The following PHACTR3 variants were observed in gnomAD, a reference collection of about 807,000 sequenced individuals.
PHACTR3 encodes protein phosphatase 1, regulatory subunit 123.
PHACTR3 carries 16 observed loss-of-function variants against 66.8 expected under a neutral mutation model. The ratio of observed to expected loss-of-function variants is 0.24; its 90% confidence interval spans 0.16 to 0.36. The LOEUF (loss-of-function observed/expected upper bound fraction) is 0.36. Ranked by LOEUF, PHACTR3 falls within the 10% of genes least tolerant of loss-of-function variation. The probability of loss-of-function intolerance (pLI) is 1.00; values close to 1 mark genes in which losing one functional copy is unlikely to be tolerated. For synonymous variants in PHACTR3, 323 were observed against 292.1 expected (o/e 1.11, Z -1.08); for missense variants, 647 against 719.9 (o/e 0.90, Z 1.16).
intron 4 of PHACTR3, among the ~76,000 whole-genome samples, chr20:59,762,476 G>A (rs534629241): frequency 6.6e-6 from 1 of 152,344 alleles, no homozygotes; most frequent in South Asian, 2.1e-4. Flanking sequence ...AGTGTTCAGT[G>A]GTCATGAGGG....
intron 1 of PHACTR3, among the ~76,000 whole-genome samples, chr20:59,706,865 A>C (rs941884757): frequency 6.6e-6 from 1 of 152,072 alleles, no homozygotes; most frequent in Non-Finnish European, 1.5e-5. Context: ...ATTGAGGAGG[A>C]GGCAACCTGC....
At chr20:59,751,198 C>G (rs576816727) in intron 3 of PHACTR3, among the ~76,000 whole-genome samples, 2 of 141,662 alleles carry the variant, frequency 1.4e-5, no homozygotes, top group Non-Finnish European at 2.9e-5. Context: ...GGTTAAGGAA[C>G]CGGCTTCAGG....
At chr20:59,754,347 G>C (rs573708902) in intron 3 of PHACTR3, among the ~76,000 whole-genome samples, 1 of 152,306 alleles carries the variant, frequency 6.6e-6, no homozygotes, top group African/African-American at 2.4e-5. Flanking sequence ...TTCTGGGAAG[G>C]CTGCCTGTCA....
rs1486942573 is a variant in PHACTR3 at position 59,845,199 on chromosome 20, G to A, written c.1598G>A (p.Arg533His). 1.3e-6 allele frequency: 2 copies of A among 1,597,734 alleles called. No individual in the cohort carries two copies. Among genetic ancestry groups the A allele is most frequent in the African/African-American group, 1.3e-5 (1 of 74,448 alleles). Residue 533 changes from arginine to histidine, a missense_variant, in exon 12 of 13, where the codon CGT (arginine) becomes CAT (histidine). This residue lies in a region of PHACTR3 where 70 missense variants were observed against 148.8 expected (regional missense o/e 0.47). Coordinates refer to ENST00000371015, the MANE Select transcript of PHACTR3 (RefSeq NM_080672.5). ...GTTTTTAAATTTCAGGCAGCAATTC[G>A]TAAAGAATTAAATGAGTACAAAAGT... ...RLSAADKAAI[R>H]KELNEYKSNE...
intron 8 of PHACTR3, among the ~76,000 whole-genome samples, chr20:59,806,801 C>T (rs530722397): frequency 5.9e-5 from 9 of 152,350 alleles, no homozygotes; most frequent in South Asian, 2.1e-4. Context: ...GTCTGCAGCA[C>T]GCCTGGCTCC....
At chr20:59,813,131 G>C (rs942737927) in intron 8 of PHACTR3, among the ~76,000 whole-genome samples, 2 of 152,208 alleles carry the variant, frequency 1.3e-5, no homozygotes, top group African/African-American at 4.8e-5. Context: ...TTTGCCCGCT[G>C]ATGTCTGCAA....
intron 1 of PHACTR3, among the ~76,000 whole-genome samples, chr20:59,638,890 T>G (rs2146417056): frequency 7.0e-6 from 1 of 143,432 alleles, no homozygotes. Flanking sequence ...GGTGGGTGAG[T>G]GGATGGGTGG....
intron 7 of PHACTR3, among the ~76,000 whole-genome samples, chr20:59,775,189 A>T (rs1439851312): frequency 1.3e-5 from 2 of 152,110 alleles, no homozygotes; most frequent in Admixed American, 1.3e-4. Flanking sequence ...TCAGGCCAGG[A>T]GGAGGAAGTG....
chr20:59,840,209 C>T (rs1477511044), intron 9 of PHACTR3, among the ~76,000 whole-genome samples, 160 bp from the exon 10 acceptor site: 4 of 152,150 alleles, frequency 2.6e-5, no homozygotes, highest in African/African-American at 4.8e-5. Flanking sequence ...ATCTCCTGAG[C>T]AGTGACTGAC....
intron 8 of PHACTR3, among the ~76,000 whole-genome samples, chr20:59,827,489 T>TG: frequency 6.6e-6 from 1 of 152,284 alleles, no homozygotes; most frequent in South Asian, 2.1e-4. Context: ...GACAGTGCGG[T>TG]GTGCAGCTTG....
At chr20:59,674,401 TCTC>T (rs2036311196) in intron 1 of PHACTR3, among the ~76,000 whole-genome samples, 1 of 147,814 alleles carries the variant, frequency 6.8e-6, no homozygotes. Flanking sequence ...TGTTCCTCCT[TCTC>T]CTGTTCCTTC....
At position 59,635,194 on chromosome 20, in the gene PHACTR3, C is replaced by CTTTCTT. The variant is rs33980731; in HGVS notation, c.118+30063_118+30064insTTCTTT. ...CCTTTCTTTCTTTCTTTCTTTCTTT[C>CTTTCTT]TCTTTCTTTCTTTCCTTCCTTCCTT... On this transcript the variant is annotated intron_variant, in intron 1 of 12. Transcript: ENST00000371015. Among the ~76,000 whole-genome samples the CTTTCTT allele has an allele frequency of 3.9e-3, 212 of 54,686 alleles. 3 individuals are homozygous for CTTTCTT. The highest frequency in any genetic ancestry group is 4.2e-3 in the African/African-American group (59 of 13,940). 35.9% of individuals were successfully genotyped at this position (54,686 alleles called of 152,430 possible). A position where few individuals can be genotyped will look rare whatever the true frequency, so the allele number is the denominator to read the frequency against.
At chr20:59,806,264 C>T in intron 8 of PHACTR3, 70 bp downstream of exon 8, 1 of 1,561,558 alleles carries the variant, frequency 6.4e-7, no homozygotes. Context: ...TCTGAGATCC[C>T]ACATCCTGGG....
At chr20:59,844,187 A>G (rs541989813) in intron 11 of PHACTR3, 2 of 152,226 alleles carry the variant, frequency 1.3e-5, no homozygotes, top group African/African-American at 4.8e-5. Flanking sequence ...GGATTAGGAG[A>G]AAAGTGAACT....
Position 59,697,857 on chromosome 20 carries a change from G to A in PHACTR3, c.119-45250G>A, listed in dbSNP as rs186318207. 4.2e-3 allele frequency among the ~76,000 whole-genome samples: 646 copies of A among 152,268 alleles called. 10 individuals are homozygous for A. Among genetic ancestry groups the A allele is most frequent in the African/African-American group, 0.015 (614 of 41,566 alleles). On this transcript the variant is annotated intron_variant, in intron 1 of 12. Transcript: ENST00000371015. The stretch of plus-strand genomic sequence containing the variant: ...TTTATTAACTCACATTATTTTGTGA[G>A]CATTTTCTCATTGACAATATCAAGT...
chr20:59,680,811 T>C (rs2036614838), intron 1 of PHACTR3, among the ~76,000 whole-genome samples: 1 of 152,192 alleles, frequency 6.6e-6, no homozygotes, highest in African/African-American at 2.4e-5. Context: ...CAATCCCCTG[T>C]ACAGCCCGTG....
chr20:59,609,621 T>C (rs887259469), intron 1 of PHACTR3, among the ~76,000 whole-genome samples: 6 of 152,122 alleles, frequency 3.9e-5, no homozygotes, highest in Non-Finnish European at 7.3e-5. Flanking sequence ...GTCTAGTCTC[T>C]CCTTTGCCTC....
intron 4 of PHACTR3, among the ~76,000 whole-genome samples, chr20:59,759,763 C>T (rs1433405813): frequency 6.6e-6 from 1 of 152,222 alleles, no homozygotes; most frequent in African/African-American, 2.4e-5. Flanking sequence ...GAACTGCCCA[C>T]ATCTGGGCCC....
chr20:59,672,951 A>G (rs1217191377), intron 1 of PHACTR3, among the ~76,000 whole-genome samples: 1 of 152,144 alleles, frequency 6.6e-6, no homozygotes, highest in Non-Finnish European at 1.5e-5. Context: ...GGGTTGGTGA[A>G]GAGGGAAGGA....
Sources: gnomAD v4.1 joint callset for allele counts (sites outside exome capture counted in the v4.1 genomes callset) on GRCh38, gnomAD v4.1.1 for gene constraint, gnomAD v4.1.1 regional missense constraint, MANE v1.5 for transcripts, NCBI Gene and HGNC (gene_info 2026-07-23, HGNC 2026-07-21) for gene names.